Variants in INTS9 observed in about 807,000 individuals in gnomAD.
INTS9 encodes the protein integrator complex subunit 9.
A neutral mutation model predicts 79.7 loss-of-function variants in INTS9; 55 were observed. The observed-to-expected ratio is 0.69, with a 90% CI of 0.56 to 0.86. The LOEUF is 0.86. Among genes scored for constraint, INTS9 ranks in the 40% least tolerant of loss-of-function variants. The pLI is 0.00. For missense variants in INTS9, 721 were observed against 831.5 expected (o/e 0.87, Z 1.64); for synonymous variants, 319 against 325.2 (o/e 0.98, Z 0.20).
intron 4 of INTS9, 24 bp from the exon 5 acceptor site, chr8:28,837,800 T>C (rs767549481): frequency 1.2e-5 from 20 of 1,605,634 alleles, no homozygotes; most frequent in East Asian, 2.2e-5. Context: ...GAGGGAATGA[T>C]ATATATCTGT....
chr8:28,786,094 T>A (rs1379714857), intron 11 of INTS9, among the ~76,000 whole-genome samples: 2 of 152,202 alleles, frequency 1.3e-5, no homozygotes, highest in Non-Finnish European at 2.9e-5. Context: ...GTAAATAAAA[T>A]CATACCATAT....
At chr8:28,815,994 T>G (rs1288860547) in intron 6 of INTS9, among the ~76,000 whole-genome samples, 1 of 152,080 alleles carries the variant, frequency 6.6e-6, no homozygotes, top group African/African-American at 2.4e-5. Context: ...ACAAGTGACT[T>G]ACAAGGAAAG....
At chr8:28,834,549 T>C (rs1029327708) in intron 6 of INTS9, among the ~76,000 whole-genome samples, 1 of 152,202 alleles carries the variant, frequency 6.6e-6, no homozygotes, top group African/African-American at 2.4e-5. Flanking sequence ...ACCTCTGCTA[T>C]AGGAACAAAT....
intron 2 of INTS9, among the ~76,000 whole-genome samples, chr8:28,854,280 T>G (rs975048874): frequency 3.3e-5 from 5 of 152,214 alleles, no homozygotes; most frequent in Non-Finnish European, 5.9e-5. Flanking sequence ...TAATACTCAG[T>G]GCAAACTGTT....
intron 1 of INTS9, among the ~76,000 whole-genome samples, chr8:28,880,181 T>G (rs1368292128): frequency 6.6e-6 from 1 of 152,184 alleles, no homozygotes; most frequent in African/African-American, 2.4e-5. Flanking sequence ...GAATATCTCA[T>G]TATGCTTGCC....
intron 4 of INTS9, among the ~76,000 whole-genome samples, chr8:28,839,304 T>C (rs1807014690): frequency 6.6e-6 from 1 of 151,946 alleles, no homozygotes; most frequent in African/African-American, 2.4e-5. Flanking sequence ...TACAAACAAA[T>C]GGAAGAACAT....
In INTS9 at chr8:28,837,687, G is replaced by C. The variant is rs1457000350; in HGVS notation, c.351C>G (p.Thr117=). 6.2e-7 allele frequency: 1 copy of C among 1,613,882 alleles called. No homozygotes were observed. Among genetic ancestry groups the C allele is most frequent in the African/African-American group, 1.3e-5 (1 of 75,038 alleles). The change falls in exon 5 of 17, where the codon ACC becomes ACG. Residue 117 remains threonine, a synonymous_variant. Transcript: ENST00000521022. The stretch of plus-strand genomic sequence containing the variant: ...TGGCATACACTGTGCCTGTGAAGCC[G>C]GTGTGCTCGGTGATGTATGGCAGCG... The part of the protein sequence containing the change: ...MMALPYITEH[T]GFTGTVYATE...
At chr8:28,772,542 T>C (rs916142792) in intron 14 of INTS9, among the ~76,000 whole-genome samples, 2 of 143,886 alleles carry the variant, frequency 1.4e-5, no homozygotes, top group Non-Finnish European at 3.0e-5. Context: ...GGCACGGTGG[T>C]TCACGCCTGT....
At chr8:28,822,030 G>A (rs1473304393) in intron 6 of INTS9, among the ~76,000 whole-genome samples, 1 of 152,120 alleles carries the variant, frequency 6.6e-6, no homozygotes, top group African/African-American at 2.4e-5. Context: ...GCCTCCCAAA[G>A]TGCTGGGATT....
chr8:28,803,861 A>T (rs1489567540), intron 8 of INTS9, among the ~76,000 whole-genome samples: 1 of 152,214 alleles, frequency 6.6e-6, no homozygotes, highest in African/African-American at 2.4e-5. Context: ...GATGTCTATT[A>T]TAACTCCTGA....
chr8:28,858,391 G>C (rs1808286054), intron 2 of INTS9, among the ~76,000 whole-genome samples: 1 of 152,036 alleles, frequency 6.6e-6, no homozygotes, highest in Non-Finnish European at 1.5e-5. Flanking sequence ...CAAACATTTT[G>C]CTCTCTGGGG....
Position 28,796,570 on chromosome 8 carries a change from A to G in INTS9, c.830T>C (p.Met277Thr). The G allele has an allele frequency of 6.2e-7, 1 of 1,612,882 alleles. No homozygotes were observed. Among genetic ancestry groups the G allele is most frequent in the Non-Finnish European group, 8.5e-7 (1 of 1,178,836 alleles). The change falls in exon 9 of 17, where the codon ATG becomes ACG. Residue 277 changes from methionine (M) to threonine (T), a missense_variant. Transcript: ENST00000521022. ...TQIPTANPDG[M>T]VGEFCSNLAL... is the part of the protein sequence containing the mutation. The stretch of plus-strand genomic sequence containing the variant: ...TAGGTTGCTGCAGAACTCTCCCACC[A>G]TTCCATCTGGGTTTGCAGTGGGGAT...
At chr8:28,881,950 G>C (rs1809858318) in intron 1 of INTS9, among the ~76,000 whole-genome samples, 1 of 146,872 alleles carries the variant, frequency 6.8e-6, no homozygotes, top group South Asian at 2.2e-4. Context: ...CCGTCTGGGA[G>C]GTGTGCCCAG....
chr8:28,788,854 G>A (rs559500322), intron 10 of INTS9, among the ~76,000 whole-genome samples: 3 of 152,190 alleles, frequency 2.0e-5, no homozygotes, highest in South Asian at 2.1e-4. Context: ...ACAATACTGA[G>A]ATGTCTGGAT....
chr8:28,799,773 ATTC>A (rs1163543500), intron 8 of INTS9, among the ~76,000 whole-genome samples: 1 of 152,172 alleles, frequency 6.6e-6, no homozygotes, highest in East Asian at 1.9e-4. Context: ...CAAACAAGTG[ATTC>A]TTCTTCTTGG....
chr8:28,877,813 A>G (rs1809478075), intron 1 of INTS9, among the ~76,000 whole-genome samples: 1 of 152,216 alleles, frequency 6.6e-6, no homozygotes, highest in African/African-American at 2.4e-5. Flanking sequence ...AACTTTAATC[A>G]TGAATGATTT....
chr8:28,828,420 G>A (rs1336794320), intron 6 of INTS9, among the ~76,000 whole-genome samples: 1 of 152,200 alleles, frequency 6.6e-6, no homozygotes, highest in Non-Finnish European at 1.5e-5. Context: ...GACTGGCATT[G>A]TTTTAAGAAC....
At chr8:28,783,053 G>A (rs1803386731) in intron 11 of INTS9, among the ~76,000 whole-genome samples, 4 of 150,496 alleles carry the variant, frequency 2.7e-5, no homozygotes, top group Admixed American at 2.6e-4. Context: ...GCTGAGGCAG[G>A]AGAATGGCAT....
At chr8:28,858,385 C>T (rs1468643949) in intron 2 of INTS9, among the ~76,000 whole-genome samples, 1 of 152,072 alleles carries the variant, frequency 6.6e-6, no homozygotes, top group Non-Finnish European at 1.5e-5. Context: ...AACAAACAAA[C>T]ATTTTGCTCT....
Sources: allele counts gnomAD v4.1 joint callset (sites outside exome capture counted in the v4.1 genomes callset), GRCh38; gene constraint gnomAD v4.1.1; transcripts MANE v1.5; gene names NCBI Gene and HGNC (gene_info 2026-07-23, HGNC 2026-07-21).